Variants in NBEA observed in about 807,000 individuals in gnomAD.
The protein encoded by NBEA is neurobeachin.
A neutral mutation model predicts 343.4 loss-of-function variants in NBEA; 44 were observed. The observed-to-expected ratio is 0.13, with a 90% CI of 0.10 to 0.16. The LOEUF is 0.16. Among genes scored for constraint, NBEA ranks in the 10% least tolerant of loss-of-function variants. The pLI is 1.00. For synonymous variants in NBEA, 1,175 were observed against 1,238.7 expected, an observed-to-expected ratio of 0.95 and a Z score of 1.08; for missense variants, 2,555 against 3,631.3, an observed-to-expected ratio of 0.70 and a Z score of 7.62.
intron 13 of NBEA, among the ~76,000 whole-genome samples, chr13:35,111,290 T>C (rs2066192859): frequency 6.6e-6 from 1 of 152,162 alleles, no homozygotes. Context: ...TGGTGTGTTC[T>C]AGTACATCAG....
intron 38 of NBEA, among the ~76,000 whole-genome samples, chr13:35,423,469 T>G (rs9544304): frequency 0.21 from 31,228 of 151,900 alleles, 3,385 homozygotes; most frequent in East Asian, 0.25. Flanking sequence ...TAGATATGCG[T>G]CATTATTTCT....
At chr13:35,415,188 G>T (rs9573869) in intron 38 of NBEA, among the ~76,000 whole-genome samples, 37,230 of 152,058 alleles carry the variant, frequency 0.24, 4,667 homozygotes, top group South Asian at 0.32. Flanking sequence ...TAGGTTGCCT[G>T]TTCACTCTGA....
intron 34 of NBEA, among the ~76,000 whole-genome samples, chr13:35,249,769 T>C (rs1370674654): frequency 6.6e-6 from 1 of 152,172 alleles, no homozygotes; most frequent in East Asian, 1.9e-4. Context: ...GAAATATTAT[T>C]TGCGACCTAC....
intron 6 of NBEA, among the ~76,000 whole-genome samples, chr13:35,052,238 G>C (rs1300612797): frequency 6.6e-6 from 1 of 151,900 alleles, no homozygotes; most frequent in East Asian, 1.9e-4. Flanking sequence ...TAGCTAAGTT[G>C]TTGTTATCCT....
chr13:34,996,641 T>C (rs1462063424), intron 1 of NBEA, among the ~76,000 whole-genome samples: 1 of 152,166 alleles, frequency 6.6e-6, no homozygotes, highest in African/African-American at 2.4e-5. Flanking sequence ...ATCTTCTTTT[T>C]ATAAATGAGG....
At chr13:35,468,653 C>T (rs2075505516) in intron 40 of NBEA, among the ~76,000 whole-genome samples, 1 of 151,942 alleles carries the variant, frequency 6.6e-6, no homozygotes, top group Non-Finnish European at 1.5e-5. Context: ...CCCCATGGTA[C>T]TTATTGTTGT....
chr13:35,257,250 T>C (rs535684358), intron 34 of NBEA, among the ~76,000 whole-genome samples: 2 of 152,360 alleles, frequency 1.3e-5, no homozygotes, highest in East Asian at 1.9e-4. Context: ...ATGAGGCATG[T>C]ACAGGTCAAA....
intron 46 of NBEA, among the ~76,000 whole-genome samples, chr13:35,591,040 A>T (rs1161736678): frequency 2.0e-5 from 3 of 152,210 alleles, no homozygotes; most frequent in Non-Finnish European, 4.4e-5. Context: ...CAGTGCGTAA[A>T]GCTGGTAGTC....
intron 1 of NBEA, among the ~76,000 whole-genome samples, chr13:35,024,244 A>T (rs185318037): frequency 6.6e-6 from 1 of 152,198 alleles, no homozygotes; most frequent in East Asian, 1.9e-4. Context: ...CCCACTGTTG[A>T]TGAGCACTGC....
At chr13:35,335,692 GTTAA>G (rs1411921268) in intron 36 of NBEA, among the ~76,000 whole-genome samples, 2 of 151,470 alleles carry the variant, frequency 1.3e-5, no homozygotes, top group South Asian at 2.1e-4. Flanking sequence ...ATATATTAAT[GTTAA>G]TTAATGTTAA....
chr13:35,026,973 A>G (rs1024914983), intron 1 of NBEA, among the ~76,000 whole-genome samples: 1 of 152,058 alleles, frequency 6.6e-6, no homozygotes, highest in Non-Finnish European at 1.5e-5. Context: ...TCATTTAGAG[A>G]ATGTTCCATA....
intron 38 of NBEA, among the ~76,000 whole-genome samples, chr13:35,411,331 C>A (rs1275476847): frequency 6.6e-6 from 1 of 152,138 alleles, no homozygotes; most frequent in Non-Finnish European, 1.5e-5. Context: ...GAGATTTCTA[C>A]AGTATTGGTT....
At chr13:35,609,981 A>G (rs1482863532) in intron 48 of NBEA, among the ~76,000 whole-genome samples, 2 of 152,204 alleles carry the variant, frequency 1.3e-5, no homozygotes, top group African/African-American at 4.8e-5. Context: ...GTCTGCACTG[A>G]TGCTTCCAAA....
chr13:35,060,154 T>C (rs1484615288), intron 8 of NBEA, among the ~76,000 whole-genome samples: 1 of 151,542 alleles, frequency 6.6e-6, no homozygotes, highest in Non-Finnish European at 1.5e-5. Context: ...TAGAATGATA[T>C]TAAATAGAGT....
chr13:35,622,531 T>G (rs1377142387), intron 48 of NBEA, among the ~76,000 whole-genome samples: 1 of 152,176 alleles, frequency 6.6e-6, no homozygotes. Flanking sequence ...TGGAATAATT[T>G]AAGCCCCTTA....
intron 33 of NBEA, among the ~76,000 whole-genome samples, chr13:35,216,172 T>C (rs1017952645): frequency 1.8e-4 from 28 of 151,806 alleles, no homozygotes; most frequent in Non-Finnish European, 3.1e-4. Flanking sequence ...GTGTTTTTTT[T>C]CTATTATGTG....
At chr13:35,140,933 C>T (rs540539967) in intron 17 of NBEA, among the ~76,000 whole-genome samples, 6 of 152,156 alleles carry the variant, frequency 3.9e-5, no homozygotes, top group South Asian at 4.1e-4. Flanking sequence ...CCTTGTAGCT[C>T]CATTGTCTTC....
At chr13:35,047,281 A>G (rs2062894374) in intron 4 of NBEA, among the ~76,000 whole-genome samples, 1 of 151,524 alleles carries the variant, frequency 6.6e-6, no homozygotes, top group Non-Finnish European at 1.5e-5. Context: ...GAGATTATTT[A>G]TTAGCCACCT....
chr13:34,988,409 T>A (rs1360980193), intron 1 of NBEA, among the ~76,000 whole-genome samples: 1 of 151,234 alleles, frequency 6.6e-6, no homozygotes, highest in East Asian at 1.9e-4. Context: ...AGGTGGAGAC[T>A]ATAGAGGTAG....
Sources: gnomAD v4.1 joint callset for allele counts (sites outside exome capture counted in the v4.1 genomes callset) on GRCh38, gnomAD v4.1.1 for gene constraint, MANE v1.5 for transcripts, NCBI Gene and HGNC (gene_info 2026-07-23, HGNC 2026-07-21) for gene names.